The following SLCO1C1 variants were observed in gnomAD, a reference collection of about 807,000 sequenced individuals.
SLCO1C1 encodes solute carrier organic anion transporter family member 1C1.
Under a neutral mutation model 76.4 loss-of-function variants are expected in SLCO1C1, and 70 were observed. The ratio of observed to expected loss-of-function variants is 0.92; its 90% CI spans 0.76 to 1.12. The LOEUF (loss-of-function observed/expected upper bound fraction) is 1.12. Among genes scored for constraint, SLCO1C1 ranks in the 50% most tolerant of loss-of-function variants. SLCO1C1 has a pLI of 0.00. For synonymous variants in SLCO1C1, 306 were observed against 286.1 expected (o/e 1.07, Z -0.70); for missense variants, 912 against 823.8 (o/e 1.11, Z -1.31).
In SLCO1C1 at chr12:20,699,509, C is replaced by T. The variant is rs914131211; in HGVS notation, c.-25-43C>T. 4.1e-5 allele frequency: 55 copies of T among 1,337,154 alleles called. No homozygotes were observed. The Admixed American group carries it at 1.0e-3, about 25-fold the overall frequency. The allele number at this position is 1,337,154 out of a possible 1,614,324, so 82.8% of individuals were successfully genotyped here. ...TTGAATAAAAAAATTTAATAAATTG[C>T]GTAGTATTTATTTATTTTTACTTTA... On this transcript the variant is annotated intron_variant, in intron 1 of 14. Coordinates refer to ENST00000266509, the MANE Select transcript of SLCO1C1 (RefSeq NM_017435.5).
intron 11 of SLCO1C1, among the ~76,000 whole-genome samples, chr12:20,738,711 A>T (rs531085921): frequency 6.6e-6 from 1 of 152,296 alleles, no homozygotes; most frequent in Admixed American, 6.5e-5. Context: ...GCTACCATTT[A>T]TAAAAGACAT....
chr12:20,719,080 C>T (rs1026494631), intron 7 of SLCO1C1, among the ~76,000 whole-genome samples: 3 of 147,350 alleles, frequency 2.0e-5, no homozygotes, highest in Admixed American at 6.7e-5. Context: ...TGGTAATTCT[C>T]CTAATATCGC....
intron 9 of SLCO1C1, among the ~76,000 whole-genome samples, chr12:20,729,780 A>G (rs1948185109): frequency 6.6e-6 from 1 of 151,988 alleles, no homozygotes; most frequent in Non-Finnish European, 1.5e-5. Context: ...TTAAAAGATG[A>G]AAGTGTGAGA....
At chr12:20,750,631 G>T (rs753262408) in intron 13 of SLCO1C1, 44 bp from the exon 14 acceptor site, 20 of 1,546,124 alleles carry the variant, frequency 1.3e-5, no homozygotes, top group Non-Finnish European at 1.7e-5. Context: ...TAGACAAAAA[G>T]ATGTGCATAT....
At chr12:20,704,520 G>A (rs1404530491) in intron 3 of SLCO1C1, among the ~76,000 whole-genome samples, 12 of 151,646 alleles carry the variant, frequency 7.9e-5, no homozygotes, top group Non-Finnish European at 1.5e-5. Context: ...TTTCAAATGA[G>A]ACATCTTGTG....
chr12:20,715,969 C>G (rs956252943), intron 6 of SLCO1C1, among the ~76,000 whole-genome samples: 1 of 152,134 alleles, frequency 6.6e-6, no homozygotes, highest in Non-Finnish European at 1.5e-5. Flanking sequence ...TAGAAATACA[C>G]GTCAGTCTCT....
At chr12:20,735,994 G>A (rs147749128) in intron 10 of SLCO1C1, among the ~76,000 whole-genome samples, 25 of 152,128 alleles carry the variant, frequency 1.6e-4, no homozygotes, top group African/African-American at 5.3e-4. Flanking sequence ...TATAAAAAAT[G>A]GGAGGAAAGA....
chr12:20,704,525 C>G (rs1270874956), intron 3 of SLCO1C1, among the ~76,000 whole-genome samples: 1 of 151,720 alleles, frequency 6.6e-6, no homozygotes, highest in Non-Finnish European at 1.5e-5. Flanking sequence ...AATGAGACAT[C>G]TTGTGCTAAA....
chr12:20,710,995 C>T (rs1481413668), intron 4 of SLCO1C1, among the ~76,000 whole-genome samples: 1 of 151,238 alleles, frequency 6.6e-6, no homozygotes, highest in Non-Finnish European at 1.5e-5. Flanking sequence ...ATTTTGGGTT[C>T]CCTGGGCCAC....
chr12:20,697,625 AT>A (rs1033840116), intron 1 of SLCO1C1: 2 of 152,020 alleles, frequency 1.3e-5, no homozygotes, highest in Admixed American at 1.3e-4. Context: ...TAGATGTCGA[AT>A]TTTATCAACT....
At chr12:20,749,378 G>A (rs891019335) in intron 13 of SLCO1C1, among the ~76,000 whole-genome samples, 4 of 152,122 alleles carry the variant, frequency 2.6e-5, no homozygotes, top group African/African-American at 7.2e-5. Flanking sequence ...TGTAGGCAGC[G>A]GTTGGGGGAG....
Position 20,742,525 on chromosome 12 carries a change from G to GATTT in SLCO1C1, c.1734-762_1734-759dup, listed in dbSNP as rs374795837. On this transcript the variant is annotated intron_variant, in intron 12 of 14. Coordinates refer to ENST00000266509, the MANE Select transcript of SLCO1C1 (RefSeq NM_017435.5). ...TATTTAGGTGTTTTTGCACTTTTCT[G>GATTT]ATTTATTTATTTATTTATTTACTTT... Among the ~76,000 whole-genome samples the GATTT allele has an allele frequency of 6.5e-3, 984 of 151,566 alleles. 12 individuals carry two copies. The highest frequency in any genetic ancestry group is 0.022 in the African/African-American group (922 of 41,286).
chr12:20,728,247 A>G lies in SLCO1C1; in HGVS notation c.1187-4662A>G, dbSNP rs558362725. 3.0e-4 allele frequency among the ~76,000 whole-genome samples: 44 copies of G among 146,298 alleles called. 1 individual carries two copies. The South Asian group carries it at 9.3e-3, about 31-fold the overall frequency. ...TTTTGCATATGACTAGCCAGTTACC[A>G]CAGTACCATTTATTGAATAGGGAGT... On this transcript the variant is annotated intron_variant, in intron 9 of 14. Coordinates refer to ENST00000266509, the MANE Select transcript of SLCO1C1 (RefSeq NM_017435.5).
chr12:20,727,596 G>C (rs181113306), intron 9 of SLCO1C1, among the ~76,000 whole-genome samples: 2,046 of 152,152 alleles, frequency 0.013, 31 homozygotes, highest in Non-Finnish European at 0.02. Context: ...TGCAAGCTCC[G>C]CCTCGCGGGT....
At chr12:20,699,938 G>T (rs558238432) in intron 2 of SLCO1C1, 5 of 357,926 alleles carry the variant, frequency 1.4e-5, no homozygotes, top group Middle Eastern at 7.6e-4. Context: ...AGAAAAGAGA[G>T]AAATAGTAGA....
Position 20,745,575 on chromosome 12 carries a change from A to C in SLCO1C1, c.1798+2206A>C, listed in dbSNP as rs185238683. ...TGCGGTGGCTCATGCCTGTAATCCC[A>C]GCACTTTGAGAGGCCGAGGCAGGTG... On this transcript the variant is annotated intron_variant, in intron 13 of 14. Transcript: ENST00000266509. 1.2e-3 allele frequency among the ~76,000 whole-genome samples: 180 copies of C among 152,342 alleles called. 1 individual carries two copies. The highest frequency in any genetic ancestry group is 3.4e-3 in the Middle Eastern group (1 of 294).
Position 20,705,969 on chromosome 12 carries a change from T to C in SLCO1C1, c.292T>C (p.Phe98Leu). 1 of 1,613,292 alleles carries C rather than the reference T, an allele frequency of 6.2e-7. No individual in the cohort carries two copies. Residue 98 changes from phenylalanine to leucine, a missense_variant, in exon 4 of 15, where the codon TTT (phenylalanine) becomes CTT (leucine). By Grantham distance (22) the Phe-to-Leu change is conservative. Coordinates refer to ENST00000266509, the MANE Select transcript of SLCO1C1 (RefSeq NM_017435.5). ...FEIGNLLVITFVSYFGAKLHR... is the reference protein window; with the variant it reads ...FEIGNLLVITLVSYFGAKLHR... ...CAAAGGGAATCTCTTAGTTATAACA[T>C]TTGTTAGCTACTTTGGAGCCAAACT...
intron 9 of SLCO1C1, among the ~76,000 whole-genome samples, chr12:20,732,637 T>C (rs540955121): frequency 3.3e-5 from 5 of 152,310 alleles, no homozygotes; most frequent in Admixed American, 3.3e-4. Context: ...TTGTTAATGC[T>C]GGAATTGGAC....
intron 13 of SLCO1C1, among the ~76,000 whole-genome samples, chr12:20,743,662 C>T (rs919652641): frequency 6.6e-6 from 1 of 152,008 alleles, no homozygotes; most frequent in African/African-American, 2.4e-5. Context: ...TGTGTTCTTA[C>T]AAAATCCATG....
Sources: allele counts gnomAD v4.1 joint callset (sites outside exome capture counted in the v4.1 genomes callset), GRCh38; gene constraint gnomAD v4.1.1; transcripts MANE v1.5; gene names NCBI Gene and HGNC (gene_info 2026-07-23, HGNC 2026-07-21).